Variants in RBFOX1 observed in about 807,000 individuals in gnomAD.
The protein encoded by RBFOX1 is RNA binding protein fox-1 homolog 1.
RBFOX1 carries 8 observed loss-of-function variants against 57.7 expected under a neutral mutation model. The ratio of observed to expected loss-of-function variants is 0.14; its 90% confidence interval spans 0.08 to 0.25. The LOEUF (loss-of-function observed/expected upper bound fraction) is 0.25, where lower values mean the gene tolerates loss of function less well. Among genes scored for constraint, RBFOX1 ranks in the 10% least tolerant of loss-of-function variants. The pLI is 1.00. For synonymous variants in RBFOX1, 326 were observed against 222.4 expected (o/e 1.47, Z -4.15); for missense variants, 611 against 548.5 (o/e 1.11, Z -1.14).
intron 4 of RBFOX1, among the ~76,000 whole-genome samples, chr16:7,413,294 C>A (rs1390459966): frequency 1.3e-5 from 2 of 152,078 alleles, no homozygotes; most frequent in African/African-American, 2.4e-5. Flanking sequence ...TTCCTCTCCC[C>A]TGGCCACCCT....
chr16:6,203,935 A>G (rs2097234851), intron 1 of RBFOX1, among the ~76,000 whole-genome samples: 1 of 150,162 alleles, frequency 6.7e-6, no homozygotes, highest in South Asian at 2.1e-4. Flanking sequence ...GAGAAATCAT[A>G]TTAACTCTCA....
rs557347123 is a variant in RBFOX1 at position 5,327,229 on chromosome 16, A to G, written c.219+87124A>G. 4.6e-5 allele frequency among the ~76,000 whole-genome samples: 7 copies of G among 152,210 alleles called. No individual in the cohort carries two copies. The East Asian group carries it at 1.2e-3, about 25-fold the overall frequency. ...CATCAAAATGCCGTGGAGACCTGTG[A>G]AACTGGCCAGACCCTGCACCAATCT... On this transcript the variant is annotated intron_variant, in intron 1 of 2. Coordinates refer to the RBFOX1 transcript ENST00000585867.
At chr16:5,792,716 G>A (rs2151734983) in intron 3 of RBFOX1, among the ~76,000 whole-genome samples, 1 of 152,236 alleles carries the variant, frequency 6.6e-6, no homozygotes, top group South Asian at 2.1e-4. Context: ...GGTGGCATGT[G>A]CCTGTCATCC....
chr16:6,127,853 C>G (rs1342731285), intron 1 of RBFOX1, among the ~76,000 whole-genome samples: 3 of 152,042 alleles, frequency 2.0e-5, no homozygotes, highest in Non-Finnish European at 2.9e-5. Context: ...TTTTTCTTTA[C>G]TTTTGTTGGA....
chr16:6,681,283 A>G (rs962713383), intron 3 of RBFOX1, among the ~76,000 whole-genome samples: 5 of 152,108 alleles, frequency 3.3e-5, no homozygotes, highest in Admixed American at 1.3e-4. Flanking sequence ...ACACCACTGC[A>G]CTCCAGTTTA....
chr16:7,220,928 T>G (rs545595476), intron 4 of RBFOX1, among the ~76,000 whole-genome samples: 10 of 152,238 alleles, frequency 6.6e-5, no homozygotes, highest in Middle Eastern at 3.4e-3. Flanking sequence ...TTAGGAATTC[T>G]AAATGCATTT....
At chr16:6,283,257 G>A (rs2076578897) in intron 1 of RBFOX1, among the ~76,000 whole-genome samples, 2 of 152,118 alleles carry the variant, frequency 1.3e-5, no homozygotes, top group African/African-American at 4.8e-5. Flanking sequence ...AACCCCGGAG[G>A]TTGAGCCTAC....
intron 4 of RBFOX1, among the ~76,000 whole-genome samples, chr16:7,203,836 G>T (rs1178645967): frequency 2.0e-5 from 3 of 152,194 alleles, no homozygotes; most frequent in Non-Finnish European, 2.9e-5. Context: ...ACCGGCCACG[G>T]ATTTAACCAG....
intron 4 of RBFOX1, among the ~76,000 whole-genome samples, chr16:7,383,864 G>A (rs1172232397): frequency 6.6e-6 from 1 of 151,982 alleles, no homozygotes; most frequent in Non-Finnish European, 1.5e-5. Flanking sequence ...AGACTATCCT[G>A]GCTAACATGG....
intron 9 of RBFOX1, among the ~76,000 whole-genome samples, chr16:7,605,551 C>G (rs997249344): frequency 3.9e-5 from 6 of 152,154 alleles, no homozygotes; most frequent in Non-Finnish European, 8.8e-5. Flanking sequence ...TTAGAAAGTT[C>G]TGGATTTCGA....
chr16:7,355,759 C>T (rs915665819), intron 4 of RBFOX1, among the ~76,000 whole-genome samples: 15 of 152,178 alleles, frequency 9.9e-5, no homozygotes, highest in Non-Finnish European at 2.1e-4. Context: ...GGACCAGTTT[C>T]TTGCATCTGT....
intron 4 of RBFOX1, among the ~76,000 whole-genome samples, chr16:7,372,176 C>G (rs1457480086): frequency 2.0e-5 from 3 of 152,152 alleles, no homozygotes; most frequent in African/African-American, 7.2e-5. Context: ...ATATATAATG[C>G]TATTCAATTC....
At chr16:6,042,027 C>A (rs948616959) in intron 1 of RBFOX1, among the ~76,000 whole-genome samples, 1 of 152,022 alleles carries the variant, frequency 6.6e-6, no homozygotes, top group Non-Finnish European at 1.5e-5. Context: ...CTTGTGGCCC[C>A]TCCTCCATCT....
At chr16:7,540,192 AG>A (rs2082552692) in intron 5 of RBFOX1, among the ~76,000 whole-genome samples, 2 of 152,146 alleles carry the variant, frequency 1.3e-5, no homozygotes. Flanking sequence ...TGTACTCCCA[AG>A]CTTGCGATGT....
intron 4 of RBFOX1, among the ~76,000 whole-genome samples, chr16:7,236,410 C>T (rs969935025): frequency 3.9e-5 from 6 of 152,180 alleles, no homozygotes; most frequent in African/African-American, 7.2e-5. Flanking sequence ...GGTATTGTCA[C>T]ATGCACAACA....
chr16:5,532,124 C>T (rs1006904992), intron 2 of RBFOX1, among the ~76,000 whole-genome samples: 1 of 152,122 alleles, frequency 6.6e-6, no homozygotes, highest in Non-Finnish European at 1.5e-5. Context: ...ATCAGGGCTT[C>T]CCAACCTCAA....
chr16:5,520,288 A>G (rs1281177167), intron 2 of RBFOX1, among the ~76,000 whole-genome samples: 1 of 152,210 alleles, frequency 6.6e-6, no homozygotes, highest in African/African-American at 2.4e-5. Context: ...GAAAATTTTC[A>G]TGTTCAGGTA....
intron 2 of RBFOX1, among the ~76,000 whole-genome samples, chr16:5,514,276 T>A (rs1597365164): frequency 6.6e-6 from 1 of 152,208 alleles, no homozygotes; most frequent in African/African-American, 2.4e-5. Context: ...CAGGGCAGTG[T>A]GGCTCTGTCG....
intron 4 of RBFOX1, among the ~76,000 whole-genome samples, chr16:7,141,568 GGGCCATTTA>G (rs2073798022): frequency 6.6e-6 from 1 of 152,060 alleles, no homozygotes; most frequent in Admixed American, 6.5e-5. Context: ...TTGGAAGGTG[GGGCCATTTA>G]TGGCTCCCTG....
Sources: allele counts gnomAD v4.1 joint callset (sites outside exome capture counted in the v4.1 genomes callset), GRCh38; gene constraint gnomAD v4.1.1; transcripts MANE v1.5; gene names NCBI Gene and HGNC (gene_info 2026-07-23, HGNC 2026-07-21).